Variants in SLC38A11 observed in about 807,000 individuals in gnomAD.
SLC38A11 encodes putative sodium-coupled neutral amino acid transporter 11.
In SLC38A11, 51 loss-of-function variants were observed where a neutral mutation model predicts 49.4. The observed-to-expected ratio is 1.03, with a 90% CI of 0.83 to 1.30. The LOEUF (loss-of-function observed/expected upper bound fraction) is 1.30, where lower values mean the gene tolerates loss of function less well. Ranked by LOEUF, SLC38A11 falls within the 50% of genes most tolerant of loss-of-function variation. The pLI is 0.00. For synonymous variants in SLC38A11, 203 were observed against 192.9 expected (o/e 1.05, Z -0.43); for missense variants, 574 against 556.2 (o/e 1.03, Z -0.32).
Position 164,955,316 on chromosome 2 carries a change from C to G in SLC38A11, c.-69G>C. The G allele has an allele frequency of 7.1e-7, 1 of 1,410,700 alleles. No individual in the cohort carries two copies. Among genetic ancestry groups the G allele is most frequent in the African/African-American group, 1.4e-5 (1 of 70,368 alleles). 87.4% of individuals were successfully genotyped at this position (1,410,700 alleles called of 1,614,324 possible). On this transcript the variant is annotated 5_prime_UTR_variant, in exon 1 of 12. Coordinates refer to ENST00000685975, the MANE Select transcript of SLC38A11 (RefSeq NM_001351537.2). ...GTACGGATTCGCACCCGGCCAGCCT[C>G]CTCCGCCACCTCGCACACAGCCGAG...
At chr2:164,918,611 T>A (rs2105467896) in intron 7 of SLC38A11, among the ~76,000 whole-genome samples, 1 of 152,310 alleles carries the variant, frequency 6.6e-6, no homozygotes, top group East Asian at 1.9e-4. Context: ...CCTGAATATA[T>A]TATTGATATT....
Position 164,915,923 on chromosome 2 carries a change from G to T in SLC38A11, c.668C>A (p.Ala223Glu), listed in dbSNP as rs764538386. Residue 223 changes from alanine to glutamate, a missense_variant, in exon 8 of 12, where the codon GCG becomes GAG. By Grantham distance (107) the Ala-to-Glu change is moderately radical. Transcript: ENST00000685975. ...CTCACCAAAAGACATAACCCCGACC[G>T]CTTGAATGGCATTGGGCTTTGCAAA... ...WVFAKPNAIQ[A>E]VGVMSFAFIC... is the part of the protein sequence containing the mutation. 14 of 1,601,872 alleles carry T rather than the reference G, an allele frequency of 8.7e-6. No homozygotes were observed. In the South Asian group the frequency reaches 1.2e-4, roughly 14 times the overall value.
chr2:164,922,309 G>A (rs140372776), intron 7 of SLC38A11: 3 of 152,310 alleles, frequency 2.0e-5, no homozygotes, highest in East Asian at 3.9e-4. Context: ...CATGTTTTTA[G>A]TCAGACACAT....
chr2:164,919,168 A>G (rs1686005274), intron 7 of SLC38A11, among the ~76,000 whole-genome samples: 1 of 152,036 alleles, frequency 6.6e-6, no homozygotes. Context: ...AGGCTCTACA[A>G]AAAATAAAAA....
chr2:164,916,126 A>C (rs1218834427), intron 7 of SLC38A11, among the ~76,000 whole-genome samples, 153 bp from the exon 8 acceptor site: 1 of 152,098 alleles, frequency 6.6e-6, no homozygotes, highest in Non-Finnish European at 1.5e-5. Context: ...ATCATGAATA[A>C]ATTTCCCAGG....
At chr2:164,934,718 CT>C (rs1035161110) in intron 7 of SLC38A11, among the ~76,000 whole-genome samples, 2 of 152,086 alleles carry the variant, frequency 1.3e-5, no homozygotes, top group African/African-American at 4.8e-5. Context: ...CCTGTAAACA[CT>C]TTTTATAATA....
chr2:164,899,297 T>G (rs1269060124), intron 11 of SLC38A11, among the ~76,000 whole-genome samples: 1 of 152,094 alleles, frequency 6.6e-6, no homozygotes, highest in Non-Finnish European at 1.5e-5. Context: ...CTCTTTCAAA[T>G]AAAAGTAAGC....
At chr2:164,902,374 T>C (rs1311664740) in intron 11 of SLC38A11, among the ~76,000 whole-genome samples, 1 of 152,146 alleles carries the variant, frequency 6.6e-6, no homozygotes, top group East Asian at 1.9e-4. Flanking sequence ...CAAATGTTGT[T>C]CTCTGAAATA....
intron 11 of SLC38A11, 131 bp from the exon 12 acceptor site, chr2:164,898,861 C>T (rs1684475928): frequency 1.3e-6 from 1 of 767,148 alleles, no homozygotes; most frequent in African/African-American, 1.8e-5. Context: ...TTGAATCAAA[C>T]AAAGGGAGGA....
chr2:164,949,503 G>A lies in SLC38A11; in HGVS notation c.229+3204C>T, dbSNP rs140663241. Among the ~76,000 whole-genome samples the A allele has an allele frequency of 4.8e-3, 725 of 152,224 alleles. 8 individuals are homozygous for A. The highest frequency in any genetic ancestry group is 0.016 in the African/African-American group (672 of 41,530). The stretch of plus-strand genomic sequence containing the variant: ...GAATTTCTGACCTCAAGTGATCCAC[G>A]TGCCTCGGCCTCTCAAAGTGCTGGG... On this transcript the variant is annotated intron_variant, in intron 3 of 11. Transcript: ENST00000685975.
chr2:164,923,300 G>T (rs1172591504), intron 7 of SLC38A11, among the ~76,000 whole-genome samples: 2 of 152,052 alleles, frequency 1.3e-5, no homozygotes, highest in Non-Finnish European at 2.9e-5. Flanking sequence ...CTACAGAATG[G>T]GAGAAGATAT....
intron 5 of SLC38A11, among the ~76,000 whole-genome samples, chr2:164,944,134 G>A (rs1374641277): frequency 6.6e-6 from 1 of 152,128 alleles, no homozygotes; most frequent in Non-Finnish European, 1.5e-5. Context: ...GGGATTATAG[G>A]CGTGAGCCAC....
chr2:164,939,463 G>C lies in SLC38A11; in HGVS notation c.524C>G (p.Ala175Gly). 6.2e-7 allele frequency: 1 copy of C among 1,604,594 alleles called. No homozygotes were observed. ...TLPLSLYRNI[A>G]KLGKVSLIST... ...TGTAAAAATTACCTTTCCAAGCTTTGCTATATTTCGGTACAAGGATAAAGG... is the reference window on the plus strand; with the variant it reads ...TGTAAAAATTACCTTTCCAAGCTTTCCTATATTTCGGTACAAGGATAAAGG... Residue 175 changes from alanine (A) to glycine (G), a missense_variant, in exon 6 of 12, where the codon GCA becomes GGA. Coordinates refer to ENST00000685975, the MANE Select transcript of SLC38A11 (RefSeq NM_001351537.2).
chr2:164,943,361 T>C (rs895630361), intron 5 of SLC38A11, among the ~76,000 whole-genome samples: 1 of 152,206 alleles, frequency 6.6e-6, no homozygotes, highest in Admixed American at 6.5e-5. Context: ...AACTGGGTGA[T>C]AGATACACTA....
At chr2:164,926,434 T>C (rs1573944341) in intron 7 of SLC38A11, among the ~76,000 whole-genome samples, 1 of 152,164 alleles carries the variant, frequency 6.6e-6, no homozygotes, top group Non-Finnish European at 1.5e-5. Context: ...TCAGGATCAG[T>C]GGGTGCTATG....
intron 10 of SLC38A11, among the ~76,000 whole-genome samples, chr2:164,910,236 G>T (rs185543144): frequency 1.3e-5 from 2 of 152,164 alleles, no homozygotes; most frequent in African/African-American, 4.8e-5. Context: ...AGCTAGAAAG[G>T]AAACTCAAGT....
In SLC38A11 at chr2:164,915,881, GC is replaced by G. The variant is rs552773477; in HGVS notation, c.688+21del. ...ACAGAGAACTCCACATTGAGAAAGG[GC>G]CTTTGAAACCAAATACTCACCAAAA... On this transcript the variant is annotated intron_variant, in intron 8 of 11. Coordinates refer to ENST00000685975, the MANE Select transcript of SLC38A11 (RefSeq NM_001351537.2). 314 of 1,570,194 alleles carry G rather than the reference GC, an allele frequency of 2.0e-4. 1 individual carries two copies. The highest frequency in any genetic ancestry group is 1.6e-3 in the African/African-American group (116 of 74,504).
At chr2:164,933,680 T>A (rs1016778582) in intron 7 of SLC38A11, among the ~76,000 whole-genome samples, 2 of 152,086 alleles carry the variant, frequency 1.3e-5, no homozygotes, top group African/African-American at 4.8e-5. Flanking sequence ...ATCATTCATC[T>A]GAACCGAAAA....
chr2:164,947,333 C>T (rs535317034), intron 3 of SLC38A11, among the ~76,000 whole-genome samples: 6 of 151,772 alleles, frequency 4.0e-5, no homozygotes, highest in East Asian at 3.9e-4. Flanking sequence ...GGTTTTGCCA[C>T]GTTGGCCAAG....
Sources: allele counts gnomAD v4.1 joint callset (sites outside exome capture counted in the v4.1 genomes callset), GRCh38; gene constraint gnomAD v4.1.1; transcripts MANE v1.5; gene names NCBI Gene and HGNC (gene_info 2026-07-23, HGNC 2026-07-21).